Variants in STARD3NL observed in about 807,000 individuals in gnomAD.
The protein encoded by STARD3NL is STARD3 N-terminal like.
STARD3NL carries 17 observed loss-of-function variants against 30.9 expected under a neutral mutation model. The observed-to-expected ratio is 0.55, with a 90% confidence interval of 0.38 to 0.82. STARD3NL has a LOEUF of 0.82. Ranked by LOEUF, STARD3NL falls within the 40% of genes least tolerant of loss-of-function variation. STARD3NL has a pLI of 0.00. For synonymous variants in STARD3NL, 112 were observed against 100.5 expected (o/e 1.11, Z -0.69); for missense variants, 234 against 277.6 (o/e 0.84, Z 1.12).
At chr7:38,229,526 T>C (rs1169269558) in intron 8 of STARD3NL, among the ~76,000 whole-genome samples, 1 of 152,236 alleles carries the variant, frequency 6.6e-6, no homozygotes, top group Non-Finnish European at 1.5e-5. Context: ...TAAATTGTAG[T>C]AGCAGCAAAT....
intron 7 of STARD3NL, among the ~76,000 whole-genome samples, chr7:38,227,301 T>C (rs1786827243): frequency 6.6e-6 from 1 of 152,194 alleles, no homozygotes; most frequent in Non-Finnish European, 1.5e-5. Flanking sequence ...TTCCTCATCC[T>C]CCTTCCACAG....
At chr7:38,212,891 A>C (rs143720653) in intron 2 of STARD3NL, among the ~76,000 whole-genome samples, 12 of 152,350 alleles carry the variant, frequency 7.9e-5, no homozygotes, top group Non-Finnish European at 1.3e-4. Context: ...AAGATAGTTT[A>C]TTTAAGACAT....
In STARD3NL at chr7:38,207,655, G is replaced by A. The variant is rs762851533; in HGVS notation, c.151G>A (p.Val51Ile). Reference sequence around the variant, plus strand: ...AAGGGAAAAGAAAGGCATATCTGATGTCAGGAGGACTTTCTGTTTGTTTGT... The same window carrying A: ...AAGGGAAAAGAAAGGCATATCTGATATCAGGAGGACTTTCTGTTTGTTTGT... ...EGREKKGISD[V>I]RRTFCLFVTF... The change falls in exon 2 of 9, where the codon GTC becomes ATC. Residue 51 changes from valine to isoleucine, a missense_variant. Physicochemically the swap from Val to Ile is conservative, Grantham distance 29 (BLOSUM62 3). Coordinates refer to ENST00000009041, the MANE Select transcript of STARD3NL (RefSeq NM_032016.4). 2 of 1,614,110 alleles carry A rather than the reference G, an allele frequency of 1.2e-6. No individual in the cohort carries two copies. The highest frequency in any genetic ancestry group is 1.7e-6 in the Non-Finnish European group (2 of 1,179,966).
At chr7:38,215,993 A>G (rs560075683) in intron 4 of STARD3NL, 2 of 152,258 alleles carry the variant, frequency 1.3e-5, no homozygotes, top group Non-Finnish European at 2.9e-5. Flanking sequence ...CTCTCATTTC[A>G]TGGATATAGG....
At chr7:38,180,686 TA>T in intron 1 of STARD3NL, among the ~76,000 whole-genome samples, 1 of 152,350 alleles carries the variant, frequency 6.6e-6, no homozygotes, top group East Asian at 1.9e-4. Context: ...CTTCAAAGCC[TA>T]ATTCATTCTA....
chr7:38,195,245 C>T (rs962599724), intron 1 of STARD3NL, among the ~76,000 whole-genome samples: 1 of 152,016 alleles, frequency 6.6e-6, no homozygotes, highest in Non-Finnish European at 1.5e-5. Context: ...TTATTAGAGA[C>T]GGGTTTTACC....
intron 1 of STARD3NL, among the ~76,000 whole-genome samples, chr7:38,199,815 A>G (rs1178178251): frequency 6.6e-6 from 1 of 152,252 alleles, no homozygotes; most frequent in Non-Finnish European, 1.5e-5. Flanking sequence ...CACATGGTTC[A>G]GGTATTGGGG....
chr7:38,227,907 TTAA>T (rs1429919535), intron 7 of STARD3NL, among the ~76,000 whole-genome samples: 4 of 152,194 alleles, frequency 2.6e-5, no homozygotes, highest in Non-Finnish European at 2.9e-5. Flanking sequence ...TTAAAAATTA[TTAA>T]TAAAGTCAAT....
intron 2 of STARD3NL, among the ~76,000 whole-genome samples, chr7:38,213,895 C>T (rs1443674730): frequency 6.6e-6 from 1 of 152,196 alleles, no homozygotes; most frequent in Non-Finnish European, 1.5e-5. Context: ...AATGTTTACA[C>T]TTCTATCCTG....
chr7:38,219,433 A>G, intron 6 of STARD3NL, 132 bp from the exon 7 acceptor site: 1 of 580,122 alleles, frequency 1.7e-6, no homozygotes, highest in Non-Finnish European at 3.1e-6. Flanking sequence ...TTTGGTTGAA[A>G]CATTTTTAAA....
intron 1 of STARD3NL, among the ~76,000 whole-genome samples, chr7:38,206,926 C>T (rs1458252123): frequency 4.6e-5 from 7 of 152,176 alleles, no homozygotes; most frequent in African/African-American, 9.7e-5. Flanking sequence ...TGCTGCCATG[C>T]GCAGCTGATT....
At chr7:38,222,868 G>T (rs910369734) in intron 7 of STARD3NL, among the ~76,000 whole-genome samples, 1 of 151,948 alleles carries the variant, frequency 6.6e-6, no homozygotes, top group Admixed American at 6.6e-5. Context: ...ATTTAGGAAA[G>T]AATTAAAAAT....
In STARD3NL at chr7:38,184,545, A is replaced by C. The variant is rs149443305; in HGVS notation, c.-59+6125A>C. Among the ~76,000 whole-genome samples the C allele has an allele frequency of 3.4e-3, 520 of 150,978 alleles. 5 individuals are homozygous for C. Among genetic ancestry groups the C allele is most frequent in the African/African-American group, 0.012 (492 of 41,066 alleles). ...ATGCCACACATTTTTAAACAAGCAG[A>C]TCTCATGCAAACTCAGAGTAAGAGC... On this transcript the variant is annotated intron_variant, in intron 1 of 8. Coordinates refer to ENST00000009041, the MANE Select transcript of STARD3NL (RefSeq NM_032016.4).
At chr7:38,228,296 G>A (rs1411221428) in intron 7 of STARD3NL, among the ~76,000 whole-genome samples, 3 of 152,144 alleles carry the variant, frequency 2.0e-5, no homozygotes, top group African/African-American at 7.2e-5. Context: ...ATTCCAGAGC[G>A]GAATGACCAG....
intron 1 of STARD3NL, among the ~76,000 whole-genome samples, chr7:38,205,711 A>G (rs1466231460): frequency 6.6e-6 from 1 of 152,208 alleles, no homozygotes; most frequent in Non-Finnish European, 1.5e-5. Flanking sequence ...ACACATGACT[A>G]AAACTACTGT....
At chr7:38,189,166 A>G (rs908289414) in intron 1 of STARD3NL, among the ~76,000 whole-genome samples, 3 of 152,238 alleles carry the variant, frequency 2.0e-5, no homozygotes, top group South Asian at 2.1e-4. Flanking sequence ...AACACAAAGC[A>G]TTCAAGAGTG....
intron 1 of STARD3NL, among the ~76,000 whole-genome samples, chr7:38,191,640 CT>C (rs1784690524): frequency 6.6e-6 from 1 of 152,096 alleles, no homozygotes; most frequent in Non-Finnish European, 1.5e-5. Flanking sequence ...AGAAAACAGA[CT>C]TTATTTTCAC....
intron 1 of STARD3NL, among the ~76,000 whole-genome samples, chr7:38,189,022 A>G (rs960076224): frequency 6.6e-6 from 1 of 152,196 alleles, no homozygotes; most frequent in Non-Finnish European, 1.5e-5. Context: ...AAGTTCTGTT[A>G]TGTGCACACA....
intron 4 of STARD3NL, 147 bp from the exon 5 acceptor site, chr7:38,216,878 A>T (rs1466383524): frequency 2.4e-6 from 2 of 844,126 alleles, no homozygotes; most frequent in Non-Finnish European, 3.8e-6. Flanking sequence ...GGGGAGAGAG[A>T]CTGAGTGATA....
Sources: allele counts gnomAD v4.1 joint callset (sites outside exome capture counted in the v4.1 genomes callset), GRCh38; gene constraint gnomAD v4.1.1; transcripts MANE v1.5; gene names NCBI Gene and HGNC (gene_info 2026-07-23, HGNC 2026-07-21).